SPTB: variants seen among roughly 807,000 people sequenced by gnomAD.
The protein encoded by SPTB is spectrin beta chain, erythrocytic.
In SPTB, 45 loss-of-function variants were observed where a neutral mutation model predicts 256.2. That is an observed-to-expected ratio of 0.18 (90% CI 0.14 to 0.23). SPTB has a LOEUF of 0.23. Ranked by LOEUF, SPTB falls within the 10% of genes least tolerant of loss-of-function variation. The probability of loss-of-function intolerance (pLI) is 1.00; values close to 1 mark genes in which losing one functional copy is unlikely to be tolerated. For synonymous variants in SPTB, 1,231 were observed against 1,243.1 expected, an observed-to-expected ratio of 0.99 and a Z score of 0.21; for missense variants, 2,715 against 3,040.4, an observed-to-expected ratio of 0.89 and a Z score of 2.52.
At chr14:64,822,587 A>AAATCGG (rs1555374172) in intron 2 of SPTB, among the ~76,000 whole-genome samples, 1 of 152,012 alleles carries the variant, frequency 6.6e-6, no homozygotes, top group Non-Finnish European at 1.5e-5. Flanking sequence ...CCCAGGCAGG[A>AAATCGG]AATCGGGGTT....
rs1424410096 is a variant in SPTB, at chr14:64,799,840, A to G, written c.971T>C (p.Val324Ala). Residue 324 changes from valine to alanine, a missense_variant, in exon 9 of 36, where the codon GTC becomes GCC. Around this residue, in one of 4 missense-constraint regions of SPTB, gnomAD observed 416 missense variants for 571.1 expected, o/e 0.73. Coordinates refer to ENST00000644917, the MANE Select transcript of SPTB (RefSeq NM_001355436.2). Reference protein sequence around the residue: ...LLTWIEQTITVLNSRKFANSL... With the variant: ...LLTWIEQTITALNSRKFANSL... ...GTTGGCAAACTTGCGGCTGTTCAGG[A>G]CAGTGATGGTCTGCTCGATCCAGGT... 1 of 1,614,110 alleles carries G rather than the reference A, an allele frequency of 6.2e-7. No homozygotes were observed. Among genetic ancestry groups the G allele is most frequent in the Non-Finnish European group, 8.5e-7 (1 of 1,180,050 alleles).
Position 64,852,061 on chromosome 14 carries a change from T to C in SPTB, c.-52+27731A>G, listed in dbSNP as rs993712361. On this transcript the variant is annotated intron_variant, in intron 1 of 35. Transcript: ENST00000644917. The surrounding 1 kb of genome is among the most constrained non-coding windows in gnomAD (Gnocchi z 4.2). Reference sequence around the variant, plus strand: ...TTAAAAAGCCCCCAGTAGCTTGCAGTTGAGTATTTGAAAAGTTGTAAAAAC... The same window carrying C: ...TTAAAAAGCCCCCAGTAGCTTGCAGCTGAGTATTTGAAAAGTTGTAAAAAC... 1.3e-5 allele frequency among the ~76,000 whole-genome samples: 2 copies of C among 152,000 alleles called. No homozygotes were observed. The highest frequency in any genetic ancestry group is 2.9e-5 in the Non-Finnish European group (2 of 67,998).
At position 64,792,492 on chromosome 14, in the gene SPTB, G is replaced by A. The variant is rs1207746453; in HGVS notation, c.2666+505C>T. On this transcript the variant is annotated intron_variant, in intron 14 of 35. Transcript: ENST00000644917. The surrounding 1 kb of genome is among the most constrained non-coding windows in gnomAD (Gnocchi z 4.2). ...GCTTCAGCTGCTGAGATGCTGCACA[G>A]ACTGGGGCATGCCTCATCATCTGGG... Among the ~76,000 whole-genome samples the A allele has an allele frequency of 2.0e-5, 3 of 152,190 alleles. No individual in the cohort carries two copies. The highest frequency in any genetic ancestry group is 6.5e-5 in the Admixed American group (1 of 15,276).
At chr14:64,849,916 A>G (rs550023935) in intron 1 of SPTB, among the ~76,000 whole-genome samples, 1 of 152,294 alleles carries the variant, frequency 6.6e-6, no homozygotes, top group Non-Finnish European at 1.5e-5. Context: ...ACAAAGTTCA[A>G]CATATCCTGG....
rs1420015505 is a variant in SPTB at position 64,792,446 on chromosome 14, T to C, written c.2666+551A>G. Among the ~76,000 whole-genome samples the C allele has an allele frequency of 6.6e-6, 1 of 152,212 alleles. No homozygotes were observed. The highest frequency in any genetic ancestry group is 1.5e-5 in the Non-Finnish European group (1 of 68,034). On this transcript the variant is annotated intron_variant, in intron 14 of 35. Transcript: ENST00000644917. The surrounding 1 kb of genome is among the most constrained non-coding windows in gnomAD (Gnocchi z 4.2). Reference sequence around the variant, plus strand: ...TGTTCCAGAGAGCGGCCTCTCCTTCTCCTGACTGCCTGAATTCTGTGCTTC... The same window carrying C: ...TGTTCCAGAGAGCGGCCTCTCCTTCCCCTGACTGCCTGAATTCTGTGCTTC...
chr14:64,794,659 G>A, intron 12 of SPTB, 42 bp from the exon 13 acceptor site: 2 of 1,612,278 alleles, frequency 1.2e-6, no homozygotes, highest in Non-Finnish European at 8.5e-7. Context: ...GAGAAGTGAA[G>A]AGACCTACAC....
At chr14:64,799,188 TG>T (rs2082834870) in intron 9 of SPTB, among the ~76,000 whole-genome samples, 1 of 152,254 alleles carries the variant, frequency 6.6e-6, no homozygotes. Flanking sequence ...CAGGTATGCA[TG>T]TGTGTGCACG....
Position 64,798,447 on chromosome 14 carries a change from G to A in SPTB, c.1065-601C>T, listed in dbSNP as rs760986013. ...GGAGACAAGAATTGTCAGCAGGATC[G>A]GTGTCTAGCATATGGGGTACAGGCT... On this transcript the variant is annotated intron_variant, in intron 9 of 35. Transcript: ENST00000644917. 1.9e-4 allele frequency among the ~76,000 whole-genome samples: 29 copies of A among 152,284 alleles called. 1 individual carries two copies. The highest frequency in any genetic ancestry group is 6.2e-4 in the South Asian group (3 of 4,824).
chr14:64,856,581 G>A (rs998301787), intron 1 of SPTB, among the ~76,000 whole-genome samples: 30 of 152,226 alleles, frequency 2.0e-4, no homozygotes, highest in African/African-American at 7.2e-4. Flanking sequence ...CATTTGAAAA[G>A]GAAGAGATGA....
At position 64,852,457 on chromosome 14, in the gene SPTB, T is replaced by A. The variant is rs1326414684; in HGVS notation, c.-52+27335A>T. 6.6e-6 allele frequency among the ~76,000 whole-genome samples: 1 copy of A among 151,936 alleles called. No individual in the cohort carries two copies. The highest frequency in any genetic ancestry group is 2.4e-5 in the African/African-American group (1 of 41,350). On this transcript the variant is annotated intron_variant, in intron 1 of 35. Transcript: ENST00000644917. This position sits in a 1 kb window ranked among gnomAD's most constrained non-coding sequence, Gnocchi z 4.2. Reference sequence around the variant, plus strand: ...TGGCTAGGCTTGCCTTCTAGAAAGATCCCTTTGGCAGGCATATGGAGTGAT... The same window carrying A: ...TGGCTAGGCTTGCCTTCTAGAAAGAACCCTTTGGCAGGCATATGGAGTGAT...
At position 64,779,586 on chromosome 14, in the gene SPTB, C is replaced by T; in HGVS notation, c.4473+139G>A. ...GCTTGAGCTTTCCATTTAATGTAAT[C>T]CTCACAAGAACCCTATGAGATAAGG... is the stretch of plus-strand genomic sequence containing the variant. On this transcript the variant is annotated intron_variant, in intron 21 of 35. Coordinates refer to ENST00000644917, the MANE Select transcript of SPTB (RefSeq NM_001355436.2). This position sits in a 1 kb window ranked among gnomAD's most constrained non-coding sequence, Gnocchi z 4.2. The T allele has an allele frequency of 1.1e-6, 1 of 889,892 alleles. No individual in the cohort carries two copies. Among genetic ancestry groups the T allele is most frequent in the South Asian group, 1.3e-5 (1 of 74,858 alleles). The allele number at this position is 889,892 out of a possible 1,614,324, so 55.1% of individuals were successfully genotyped here.
At chr14:64,773,520 G>T in intron 24 of SPTB, 96 bp from the exon 25 acceptor site, 1 of 1,291,214 alleles carries the variant, frequency 7.7e-7, no homozygotes. Context: ...CAGCCCCCTG[G>T]CAGGGATAGG....
At chr14:64,838,658 G>C (rs778088800) in intron 1 of SPTB, among the ~76,000 whole-genome samples, 2 of 151,702 alleles carry the variant, frequency 1.3e-5, no homozygotes, top group Non-Finnish European at 2.9e-5. Context: ...TCGTCATTAG[G>C]AAAATGTAAA....
intron 1 of SPTB, among the ~76,000 whole-genome samples, chr14:64,863,655 C>T (rs1881988374): frequency 6.6e-6 from 1 of 152,228 alleles, no homozygotes; most frequent in Non-Finnish European, 1.5e-5. Context: ...CTACTTGGTC[C>T]TCCATGTCAT....
intron 3 of SPTB, 29 bp from the exon 4 acceptor site, chr14:64,803,809 A>G (rs779213206): frequency 2.5e-6 from 4 of 1,582,908 alleles, no homozygotes; most frequent in Non-Finnish European, 3.4e-6. Context: ...CCCCGTGGGC[A>G]TGGAGGGACT....
At chr14:64,782,990 G>C (rs1452396079) in intron 19 of SPTB, among the ~76,000 whole-genome samples, 1 of 152,050 alleles carries the variant, frequency 6.6e-6, no homozygotes, top group Admixed American at 6.5e-5. Flanking sequence ...TGCAGACAAG[G>C]GTCAGCTGCT....
At chr14:64,814,187 T>C (rs2083143870) in intron 2 of SPTB, among the ~76,000 whole-genome samples, 1 of 152,226 alleles carries the variant, frequency 6.6e-6, no homozygotes, top group Middle Eastern at 3.2e-3. Flanking sequence ...TGCATGCCTA[T>C]AGTCCCAGCT....
At chr14:64,836,323 G>C (rs2083521184) in intron 1 of SPTB, among the ~76,000 whole-genome samples, 1 of 152,012 alleles carries the variant, frequency 6.6e-6, no homozygotes, top group Non-Finnish European at 1.5e-5. Context: ...GAGCAGTTAG[G>C]GTGCCCTAAT....
rs912129085 is a variant in SPTB, at chr14:64,844,820, G to T, written c.-51-21675C>A. Among the ~76,000 whole-genome samples the T allele has an allele frequency of 5.9e-5, 9 of 152,096 alleles. No homozygotes were observed. Among genetic ancestry groups the T allele is most frequent in the Admixed American group, 4.6e-4 (7 of 15,268 alleles). ...AAATACATCCAAATCACATTCCAGAGATTCCACCTGATCTCAGTGTTTGGA... is the reference window on the plus strand; with the variant it reads ...AAATACATCCAAATCACATTCCAGATATTCCACCTGATCTCAGTGTTTGGA... On this transcript the variant is annotated intron_variant, in intron 1 of 35. Coordinates refer to ENST00000644917, the MANE Select transcript of SPTB (RefSeq NM_001355436.2). This position sits in a 1 kb window ranked among gnomAD's most constrained non-coding sequence, Gnocchi z 4.1.
Sources: allele counts gnomAD v4.1 joint callset (sites outside exome capture counted in the v4.1 genomes callset), GRCh38; gene constraint gnomAD v4.1.1; regional missense constraint gnomAD v4.1.1; non-coding constraint Gnocchi (gnomAD v3.1); transcripts MANE v1.5; gene names NCBI Gene and HGNC (gene_info 2026-07-23, HGNC 2026-07-21).